ASAP1: variants seen among roughly 807,000 people sequenced by gnomAD.
The protein encoded by ASAP1 is ArfGAP with SH3 domain, ankyrin repeat and PH domain 1.
A neutral mutation model predicts 145.2 loss-of-function variants in ASAP1; 43 were observed. That is an observed-to-expected ratio of 0.30 (90% CI 0.23 to 0.38). The LOEUF is 0.38. ASAP1 is among the 10% of genes least tolerant of loss of function. The probability of loss-of-function intolerance (pLI) is 1.00; values close to 1 mark genes in which losing one functional copy is unlikely to be tolerated. For synonymous variants in ASAP1, 546 were observed against 515.5 expected, an observed-to-expected ratio of 1.06 and a Z score of -0.80; for missense variants, 1,018 against 1,355.3, an observed-to-expected ratio of 0.75 and a Z score of 3.91.
At chr8:130,098,637 G>A (rs910322375) in intron 24 of ASAP1, among the ~76,000 whole-genome samples, 3 of 152,098 alleles carry the variant, frequency 2.0e-5, no homozygotes, top group South Asian at 4.2e-4. Flanking sequence ...TGTGAGCCAC[G>A]GTGCCAGGCC....
At chr8:130,072,310 T>C (rs1310909951) in intron 27 of ASAP1, among the ~76,000 whole-genome samples, 1 of 152,204 alleles carries the variant, frequency 6.6e-6, no homozygotes, top group Admixed American at 6.5e-5. Context: ...GGGAGGGATC[T>C]GATGGGAGAT....
At chr8:130,344,561 C>T (rs1825588248) in intron 3 of ASAP1, among the ~76,000 whole-genome samples, 1 of 152,084 alleles carries the variant, frequency 6.6e-6, no homozygotes, top group Non-Finnish European at 1.5e-5. Flanking sequence ...ATTGCATGTG[C>T]AAAAATTTAA....
At chr8:130,382,213 G>C (rs1827803955) in intron 2 of ASAP1, among the ~76,000 whole-genome samples, 1 of 148,946 alleles carries the variant, frequency 6.7e-6, no homozygotes, top group African/African-American at 2.5e-5. Flanking sequence ...GTGAACCCAG[G>C]AGGCGGAGCT....
At chr8:130,330,220 C>T (rs773664909) in intron 3 of ASAP1, among the ~76,000 whole-genome samples, 33 of 152,224 alleles carry the variant, frequency 2.2e-4, no homozygotes, top group Non-Finnish European at 4.6e-4. Flanking sequence ...AGCATGAAAC[C>T]GTACTACCCA....
rs538060803 is a variant in ASAP1, at chr8:130,240,935, G to A, written c.187-3941C>T. Among the ~76,000 whole-genome samples the A allele has an allele frequency of 3.9e-5, 6 of 152,234 alleles. No individual in the cohort carries two copies. The South Asian group carries it at 1.2e-3, about 32-fold the overall frequency. ...AGCCATACTGACAGAGGCACTACAT[G>A]AGAGCTGACAGCCAAAAGGATGTAG... On this transcript the variant is annotated intron_variant, in intron 3 of 29. Transcript: ENST00000518721.
At chr8:130,218,880 T>C (rs933449535) in intron 4 of ASAP1, among the ~76,000 whole-genome samples, 1 of 152,118 alleles carries the variant, frequency 6.6e-6, no homozygotes, top group African/African-American at 2.4e-5. Flanking sequence ...TGTATGTATG[T>C]ATGTGTGTAT....
intron 24 of ASAP1, among the ~76,000 whole-genome samples, chr8:130,094,221 T>A (rs925103564): frequency 1.3e-5 from 2 of 152,028 alleles, no homozygotes; most frequent in Admixed American, 6.6e-5. Flanking sequence ...TTAAAAAAAA[T>A]TTTTTTTGAG....
chr8:130,311,770 A>G (rs1823364792), intron 3 of ASAP1, among the ~76,000 whole-genome samples: 1 of 151,122 alleles, frequency 6.6e-6, no homozygotes, highest in South Asian at 2.1e-4. Flanking sequence ...TCAAAAAAAA[A>G]AAAAAGGCAA....
At chr8:130,362,963 G>A (rs1335121178) in intron 2 of ASAP1, among the ~76,000 whole-genome samples, 1 of 152,174 alleles carries the variant, frequency 6.6e-6, no homozygotes, top group Admixed American at 6.5e-5. Context: ...TTTTGCAGGA[G>A]CATGAATTAT....
At chr8:130,300,896 A>G (rs1252904317) in intron 3 of ASAP1, among the ~76,000 whole-genome samples, 1 of 152,124 alleles carries the variant, frequency 6.6e-6, no homozygotes, top group Non-Finnish European at 1.5e-5. Context: ...ATGATGATTA[A>G]TCTCTAAGAA....
chr8:130,335,962 G>A (rs112599237), intron 3 of ASAP1, among the ~76,000 whole-genome samples: 1 of 152,146 alleles, frequency 6.6e-6, no homozygotes, highest in Non-Finnish European at 1.5e-5. Flanking sequence ...TGGTTATGAA[G>A]TATGATTACT....
chr8:130,340,817 A>G, intron 3 of ASAP1: 1 of 437,296 alleles, frequency 2.3e-6, no homozygotes, highest in South Asian at 1.6e-5. Flanking sequence ...GCACACTACC[A>G]GGCTCCAAAG....
At chr8:130,336,631 T>C (rs906195453) in intron 3 of ASAP1, among the ~76,000 whole-genome samples, 3 of 152,156 alleles carry the variant, frequency 2.0e-5, no homozygotes, top group African/African-American at 7.2e-5. Context: ...ATGTGATGCA[T>C]CAAAGAGATT....
intron 5 of ASAP1, among the ~76,000 whole-genome samples, chr8:130,190,776 A>G (rs1465155727): frequency 1.3e-5 from 2 of 152,154 alleles, no homozygotes; most frequent in Non-Finnish European, 2.9e-5. Context: ...TTGGCCTCCC[A>G]AAGTGCTGGG....
intron 5 of ASAP1, chr8:130,195,501 C>T (rs1373310570): frequency 2.6e-5 from 4 of 152,008 alleles, no homozygotes; most frequent in Non-Finnish European, 5.9e-5. Context: ...CTGCCACTGC[C>T]TGAGTGATAG....
chr8:130,329,252 C>T (rs866658316), intron 3 of ASAP1, among the ~76,000 whole-genome samples: 1 of 152,226 alleles, frequency 6.6e-6, no homozygotes, highest in Non-Finnish European at 1.5e-5. Flanking sequence ...TGTTTCCATC[C>T]TGGTCTCTGT....
intron 7 of ASAP1, among the ~76,000 whole-genome samples, chr8:130,185,581 A>C (rs1398635037): frequency 6.6e-6 from 1 of 151,924 alleles, no homozygotes; most frequent in Admixed American, 6.6e-5. Context: ...ACAAAAAATT[A>C]GCTGGGTGTT....
intron 1 of ASAP1, chr8:130,427,794 A>G (rs1392383703): frequency 1.3e-5 from 2 of 152,192 alleles, no homozygotes; most frequent in Non-Finnish European, 2.9e-5. Flanking sequence ...ATATCCTCTC[A>G]ATGCAATGCA....
intron 1 of ASAP1, among the ~76,000 whole-genome samples, chr8:130,421,282 A>G (rs1829708842): frequency 6.6e-6 from 1 of 152,174 alleles, no homozygotes; most frequent in Non-Finnish European, 1.5e-5. Flanking sequence ...CCTGGTCACA[A>G]ATATCACTTT....
Sources: allele counts gnomAD v4.1 joint callset (sites outside exome capture counted in the v4.1 genomes callset), GRCh38; gene constraint gnomAD v4.1.1; transcripts MANE v1.5; gene names NCBI Gene and HGNC (gene_info 2026-07-23, HGNC 2026-07-21).